Variants in HK1 observed in about 807,000 individuals in gnomAD.
HK1 encodes the protein hexokinase-1.
A neutral mutation model predicts 91.6 loss-of-function variants in HK1; 28 were observed. The observed-to-expected ratio is 0.31, with a 90% CI of 0.23 to 0.42. HK1 has a LOEUF of 0.42. HK1 is among the 10% of genes least tolerant of loss of function. HK1 has a pLI of 1.00. For synonymous variants in HK1, 430 were observed against 468.1 expected, an observed-to-expected ratio of 0.92 and a Z score of 1.05; for missense variants, 770 against 1,219.8, an observed-to-expected ratio of 0.63 and a Z score of 5.49.
At chr10:69,356,636 A>G (rs1299316418) in intron 2 of HK1, among the ~76,000 whole-genome samples, 2 of 151,862 alleles carry the variant, frequency 1.3e-5, no homozygotes, top group East Asian at 1.9e-4. Flanking sequence ...TGTGATCCCA[A>G]CACTTTGGGA....
chr10:69,364,773 T>C lies in HK1; in HGVS notation c.376-10T>C, dbSNP rs764691566. 1.2e-6 allele frequency: 2 copies of C among 1,614,234 alleles called. No individual in the cohort carries two copies. Among genetic ancestry groups the C allele is most frequent in the South Asian group, 1.1e-5 (1 of 91,078 alleles). ...TTGGGGCCCCCTGACTGCTCTCATG[T>C]TTCCTTCAGCTTTTTGATCATGTTG... On this transcript the variant is annotated splice_polypyrimidine_tract_variant and intron_variant, in intron 3 of 17. Coordinates refer to ENST00000359426, the MANE Select transcript of HK1 (RefSeq NM_000188.3).
At chr10:69,384,692 G>T in intron 11 of HK1, 104 bp from the exon 12 acceptor site, 1 of 1,496,936 alleles carries the variant, frequency 6.7e-7, no homozygotes. Flanking sequence ...ATGTGTGTGG[G>T]GTGTGTTTTC....
upstream of HK1, among the ~76,000 whole-genome samples, chr10:69,312,385 C>T (rs1249311919): frequency 6.6e-6 from 1 of 152,084 alleles, no homozygotes; most frequent in East Asian, 1.9e-4. Flanking sequence ...TACAGGCTTG[C>T]ACCACCACGC....
chr10:69,377,561 G>A (rs1839179097), intron 8 of HK1, among the ~76,000 whole-genome samples: 1 of 151,994 alleles, frequency 6.6e-6, no homozygotes, highest in Non-Finnish European at 1.5e-5. Context: ...TGTTAATTAG[G>A]TGCTCCCTGA....
chr10:69,370,610 C>A (rs1466661127), intron 7 of HK1, among the ~76,000 whole-genome samples: 1 of 152,106 alleles, frequency 6.6e-6, no homozygotes, highest in Non-Finnish European at 1.5e-5. Context: ...CAAAACAGCA[C>A]CTTCCCTCCC....
intron 7 of HK1, among the ~76,000 whole-genome samples, chr10:69,371,723 T>C (rs1446366030): frequency 6.6e-6 from 1 of 152,216 alleles, no homozygotes; most frequent in Non-Finnish European, 1.5e-5. Flanking sequence ...CTGCTGTCCA[T>C]TGATGTTTGC....
chr10:69,295,454 C>T (rs904565122), intron 3 of HK1, among the ~76,000 whole-genome samples: 6 of 152,214 alleles, frequency 3.9e-5, no homozygotes, highest in East Asian at 1.9e-4. Flanking sequence ...TGACTGAGCT[C>T]TGCTGCATTT....
intron 1 of HK1, among the ~76,000 whole-genome samples, chr10:69,319,853 A>G (rs529778836): frequency 1.3e-5 from 2 of 152,348 alleles, no homozygotes; most frequent in Admixed American, 6.5e-5. Context: ...CTGTGCTACC[A>G]TATTTTAAAG....
chr10:69,288,626 G>A (rs1845138651), intron 2 of HK1: 9 of 930,136 alleles, frequency 9.7e-6, no homozygotes, highest in Middle Eastern at 4.3e-4. Flanking sequence ...AAATGAGACC[G>A]ACAATCCTCT....
At chr10:69,319,736 C>T (rs1031799970) in intron 1 of HK1, among the ~76,000 whole-genome samples, 2 of 152,238 alleles carry the variant, frequency 1.3e-5, no homozygotes, top group Non-Finnish European at 2.9e-5. Flanking sequence ...TGTTCTAGCA[C>T]TTGGACGCAT....
chr10:69,320,801 G>C (rs940726237), intron 1 of HK1, among the ~76,000 whole-genome samples: 1 of 152,164 alleles, frequency 6.6e-6, no homozygotes, highest in Non-Finnish European at 1.5e-5. Flanking sequence ...GCTGGGCTGA[G>C]GTTTGGACTC....
intron 4 of HK1, among the ~76,000 whole-genome samples, chr10:69,366,673 T>C (rs1849719468): frequency 6.6e-6 from 1 of 152,208 alleles, no homozygotes; most frequent in East Asian, 1.9e-4. Flanking sequence ...TTAATCTGGT[T>C]CTGGTATCTG....
intron 1 of HK1, among the ~76,000 whole-genome samples, chr10:69,276,236 T>C (rs1307075215): frequency 6.6e-6 from 1 of 150,578 alleles, no homozygotes; most frequent in Non-Finnish European, 1.5e-5. Context: ...GTTGATTTTG[T>C]TTGTTTGCTT....
intron 7 of HK1, among the ~76,000 whole-genome samples, 185 bp from the exon 8 acceptor site, chr10:69,376,749 C>T (rs773987309): frequency 5.3e-5 from 8 of 152,160 alleles, no homozygotes; most frequent in Non-Finnish European, 1.2e-4. Flanking sequence ...TCTCCACAGT[C>T]GGCTTGGCTT....
At chr10:69,279,999 T>G (rs1000975259) in intron 1 of HK1, among the ~76,000 whole-genome samples, 1 of 152,236 alleles carries the variant, frequency 6.6e-6, no homozygotes, top group Non-Finnish European at 1.5e-5. Context: ...ATTGTCATCC[T>G]TGGGCAGACA....
chr10:69,316,942 T>C (rs1846677869), upstream of HK1, among the ~76,000 whole-genome samples: 1 of 152,228 alleles, frequency 6.6e-6, no homozygotes, highest in Non-Finnish European at 1.5e-5. Context: ...TCCATTTTGC[T>C]TAACGGCCAT....
At chr10:69,324,424 C>G (rs1352442875) in intron 1 of HK1, among the ~76,000 whole-genome samples, 1 of 151,744 alleles carries the variant, frequency 6.6e-6, no homozygotes, top group East Asian at 1.9e-4. Context: ...AACCCCGTCT[C>G]TACTAAAAAT....
intron 7 of HK1, among the ~76,000 whole-genome samples, chr10:69,371,161 T>G (rs192889934): frequency 6.6e-6 from 1 of 152,154 alleles, no homozygotes; most frequent in African/African-American, 2.4e-5. Flanking sequence ...CCAGTGGAGG[T>G]GGCAGCAGTG....
At chr10:69,304,752 T>C (rs1846030304) in intron 5 of HK1, among the ~76,000 whole-genome samples, 1 of 152,178 alleles carries the variant, frequency 6.6e-6, no homozygotes, top group Admixed American at 6.6e-5. Flanking sequence ...TATTTTGCCA[T>C]GGGTGTTTCA....
Sources: allele counts gnomAD v4.1 joint callset (sites outside exome capture counted in the v4.1 genomes callset), GRCh38; gene constraint gnomAD v4.1.1; transcripts MANE v1.5; gene names NCBI Gene and HGNC (gene_info 2026-07-23, HGNC 2026-07-21).